ZSCAN25: variants seen among roughly 807,000 people sequenced by gnomAD.
ZSCAN25 encodes the protein zinc finger and SCAN domain containing 25.
A neutral mutation model predicts 38.7 loss-of-function variants in ZSCAN25; 27 were observed. The ratio of observed to expected loss-of-function variants is 0.70; its 90% CI spans 0.51 to 0.96. ZSCAN25 has a LOEUF of 0.96. ZSCAN25 is among the 40% of genes least tolerant of loss of function. The pLI is 0.00. For synonymous variants in ZSCAN25, 273 were observed against 277.7 expected (o/e 0.98, Z 0.17); for missense variants, 637 against 705.9 (o/e 0.90, Z 1.11).
the ZSCAN25 span, chr7:99,709,296 AT>A: frequency 3.1e-6 from 5 of 1,603,946 alleles, no homozygotes; most frequent in South Asian, 2.2e-5. Context: ...ATAAATTGAG[AT>A]TTTTGAATTA....
rs1179841255 is a variant in ZSCAN25 at position 99,630,616 on chromosome 7, C to T, written c.*596C>T. The T allele has an allele frequency of 1.0e-6, 1 of 985,904 alleles. No homozygotes were observed. The highest frequency in any genetic ancestry group is 1.7e-5 in the African/African-American group (1 of 57,218). The allele number at this position is 985,904 out of a possible 1,614,324, so 61.1% of individuals were successfully genotyped here. On this transcript the variant is annotated 3_prime_UTR_variant, in exon 8 of 8. Transcript: ENST00000394152. Reference sequence around the variant, plus strand: ...GCCCGTGAGAACATCTTCCCATGACCACTCCTGCCCTCCTGCCCCGTGCTG... The same window carrying T: ...GCCCGTGAGAACATCTTCCCATGACTACTCCTGCCCTCCTGCCCCGTGCTG...
At chr7:99,689,543 A>G in the ZSCAN25 span, among the ~76,000 whole-genome samples, 1 of 152,018 alleles carries the variant, frequency 6.6e-6, no homozygotes, top group East Asian at 1.9e-4. Flanking sequence ...CCAACCAAAA[A>G]AGTCCAGGAC....
the ZSCAN25 span, among the ~76,000 whole-genome samples, chr7:99,689,054 A>G: frequency 2.0e-5 from 3 of 152,254 alleles, no homozygotes; most frequent in Non-Finnish European, 1.5e-5. Flanking sequence ...AAATGCCCAC[A>G]AGAGAAAGCA....
At chr7:99,708,625 G>A in the ZSCAN25 span, among the ~76,000 whole-genome samples, 11 of 152,164 alleles carry the variant, frequency 7.2e-5, no homozygotes, top group Admixed American at 7.2e-4. Flanking sequence ...TTGTCTATCT[G>A]TTGCACTAAC....
the ZSCAN25 span, among the ~76,000 whole-genome samples, chr7:99,640,736 AT>A: frequency 2.6e-5 from 4 of 152,038 alleles, no homozygotes; most frequent in African/African-American, 9.7e-5. Context: ...CCCAGGATCA[AT>A]ATGTTTTGAT....
At chr7:99,622,398 GAA>G in intron 5 of ZSCAN25, 149 bp from the exon 6 acceptor site, 1 of 759,840 alleles carries the variant, frequency 1.3e-6, no homozygotes, top group South Asian at 1.4e-5. Flanking sequence ...CTGTGCATGG[GAA>G]AGTGTGGTAC....
chr7:99,625,754 C>G (rs1807415241), intron 7 of ZSCAN25, among the ~76,000 whole-genome samples: 1 of 152,180 alleles, frequency 6.6e-6, no homozygotes, highest in Non-Finnish European at 1.5e-5. Flanking sequence ...TTTTCATGCT[C>G]TCCTGGCCAT....
At chr7:99,655,024 C>A in the ZSCAN25 span, among the ~76,000 whole-genome samples, 199 of 152,144 alleles carry the variant, frequency 1.3e-3, 3 homozygotes, top group Middle Eastern at 0.01. Context: ...CCCATTCTGT[C>A]GGTTGCCTGT....
chr7:99,625,739 GA>G (rs2151282112), intron 7 of ZSCAN25, among the ~76,000 whole-genome samples: 1 of 152,292 alleles, frequency 6.6e-6, no homozygotes, highest in African/African-American at 2.4e-5. Context: ...CCCATTCTCA[GA>G]AGATTTTCAT....
the ZSCAN25 span, among the ~76,000 whole-genome samples, chr7:99,678,674 G>A: frequency 1.4e-4 from 21 of 152,154 alleles, no homozygotes; most frequent in African/African-American, 5.1e-4. Context: ...AAAAATTCTG[G>A]TTTAAAAATG....
At chr7:99,672,620 A>T in the ZSCAN25 span, 1 of 1,614,122 alleles carries the variant, frequency 6.2e-7, no homozygotes, top group East Asian at 2.2e-5. Context: ...TTTCACTAGC[A>T]CTGTTCTGAT....
the ZSCAN25 span, among the ~76,000 whole-genome samples, chr7:99,708,416 G>T: frequency 6.6e-6 from 1 of 151,852 alleles, no homozygotes; most frequent in African/African-American, 2.4e-5. Flanking sequence ...TTCTCCTCTC[G>T]TCTCTTGTTT....
the ZSCAN25 span, among the ~76,000 whole-genome samples, chr7:99,642,438 A>T: frequency 6.6e-6 from 1 of 152,178 alleles, no homozygotes; most frequent in South Asian, 2.1e-4. Context: ...AGCACCAACC[A>T]TCAGTCAGGT....
In ZSCAN25 at chr7:99,631,478, G is replaced by T; in HGVS notation, c.*1458G>T. On this transcript the variant is annotated 3_prime_UTR_variant, in exon 8 of 8. Coordinates refer to ENST00000394152, the MANE Select transcript of ZSCAN25 (RefSeq NM_145115.3). Reference sequence around the variant, plus strand: ...AAGTTCTGGAAGCTGCATAACTAGCGTGGACTGACTGCTGTGTCATTGTGC... The same window carrying T: ...AAGTTCTGGAAGCTGCATAACTAGCTTGGACTGACTGCTGTGTCATTGTGC... 3 of 985,506 alleles carry T rather than the reference G, an allele frequency of 3.0e-6. No individual in the cohort carries two copies. Among genetic ancestry groups the T allele is most frequent in the South Asian group, 9.4e-5 (2 of 21,286 alleles). The allele number at this position is 985,506 out of a possible 1,614,324, so 61.0% of individuals were successfully genotyped here.
At chr7:99,667,576 T>C in the ZSCAN25 span, among the ~76,000 whole-genome samples, 1 of 152,238 alleles carries the variant, frequency 6.6e-6, no homozygotes, top group Non-Finnish European at 1.5e-5. Flanking sequence ...GAAGGAATAA[T>C]GCAATTTCCT....
At chr7:99,658,185 T>C in the ZSCAN25 span, among the ~76,000 whole-genome samples, 1 of 152,210 alleles carries the variant, frequency 6.6e-6, no homozygotes, top group Admixed American at 6.5e-5. Context: ...CTCGATGGTC[T>C]TTACAATTTG....
the ZSCAN25 span, among the ~76,000 whole-genome samples, chr7:99,723,839 T>C: frequency 3.3e-5 from 5 of 152,208 alleles, no homozygotes; most frequent in Admixed American, 2.0e-4. Context: ...GTTTTATCCA[T>C]GAACTCAAAA....
At chr7:99,624,265 GGC>G in intron 7 of ZSCAN25, 85 bp downstream of exon 7, 2 of 1,577,802 alleles carry the variant, frequency 1.3e-6, no homozygotes, top group Non-Finnish European at 1.7e-6. Context: ...TGGCGCTCCT[GGC>G]AAAGGAAGGG....
At chr7:99,714,642 AT>A in the ZSCAN25 span, 3 of 1,612,710 alleles carry the variant, frequency 1.9e-6, no homozygotes, top group Non-Finnish European at 2.5e-6. Flanking sequence ...ACACAGTGAT[AT>A]TTAATGCTTC....
Sources: gnomAD v4.1 joint callset for allele counts (sites outside exome capture counted in the v4.1 genomes callset) on GRCh38, gnomAD v4.1.1 for gene constraint, MANE v1.5 for transcripts, NCBI Gene and HGNC (gene_info 2026-07-23, HGNC 2026-07-21) for gene names.